The following RFESD variants were observed in gnomAD, a reference collection of about 807,000 sequenced individuals.
RFESD encodes Rieske Fe-S domain containing, also known as Rieske domain-containing protein.
A neutral mutation model predicts 24.4 loss-of-function variants in RFESD; 16 were observed. The ratio of observed to expected loss-of-function variants is 0.66; its 90% CI spans 0.44 to 1.00. RFESD has a LOEUF of 1.00. RFESD is among the 50% of genes least tolerant of loss of function. The pLI is 0.00. For synonymous variants in RFESD, 59 were observed against 81.8 expected, an observed-to-expected ratio of 0.72 and a Z score of 1.50; for missense variants, 208 against 247.0, an observed-to-expected ratio of 0.84 and a Z score of 1.06.
chr5:95,650,879 A>G (rs1424833101), intron 1 of RFESD, among the ~76,000 whole-genome samples: 1 of 152,150 alleles, frequency 6.6e-6, no homozygotes, highest in Non-Finnish European at 1.5e-5. Flanking sequence ...CGGGCGGATC[A>G]TGAGGTCAGG....
Position 95,657,679 on chromosome 5 carries a change from T to C in RFESD, c.*1370T>C, listed in dbSNP as rs914039414. On this transcript the variant is annotated 3_prime_UTR_variant, in exon 6 of 6. Transcript: ENST00000380005. Reference sequence around the variant, plus strand: ...TACCTTTACTACATATTATTACACTTCCTTTTCTGTTGGAGTTTGGATAGC... The same window carrying C: ...TACCTTTACTACATATTATTACACTCCCTTTTCTGTTGGAGTTTGGATAGC... 2 of 152,158 alleles carry C rather than the reference T, an allele frequency of 1.3e-5. No homozygotes were observed. Among genetic ancestry groups the C allele is most frequent in the African/African-American group, 4.8e-5 (2 of 41,446 alleles). The allele number at this position is 152,158 out of a possible 1,614,324, so 9.4% of individuals were successfully genotyped here. A position where few individuals can be genotyped will look rare whatever the true frequency, so the allele number is the denominator to read the frequency against.
rs1750553838 is a variant in RFESD at position 95,654,106 on chromosome 5, T to C, written c.204T>C (p.Tyr68=). 1.2e-6 allele frequency: 2 copies of C among 1,611,868 alleles called. No homozygotes were observed. Among genetic ancestry groups the C allele is most frequent in the Non-Finnish European group, 1.7e-6 (2 of 1,179,722 alleles). The change falls in exon 4 of 6, where the codon TAT becomes TAC. Residue 68 remains tyrosine (Y), a synonymous_variant. Transcript: ENST00000380005. ...GSAQDPEKRE[Y]SSVCVGREDD... ...CACAAGATCCTGAAAAGAGGGAATA[T>C]TCTTCTGTGTGTGTGGGCAGAGAAG...
chr5:95,656,232 C>A lies in RFESD; in HGVS notation c.556C>A (p.Leu186Ile). The A allele has an allele frequency of 6.2e-7, 1 of 1,613,588 alleles. No individual in the cohort carries two copies. The highest frequency in any genetic ancestry group is 8.5e-7 in the Non-Finnish European group (1 of 1,179,526). The change falls in exon 6 of 6, where the codon CTT (leucine) becomes ATT (isoleucine). Residue 186 changes from leucine to isoleucine, a missense_variant. Leu to Ile is a conservative substitution (Grantham distance 5). Coordinates refer to ENST00000380005, the MANE Select transcript of RFESD (RefSeq NM_001131066.2). ...AGACAACGGAAATATTTATGTGACT[C>A]TTTCTAATGAACCTTTTAAGTGTGA... ...TVDNGNIYVTLSNEPFKCDSD... is the reference protein window; with the variant it reads ...TVDNGNIYVTISNEPFKCDSD...
In RFESD at chr5:95,656,344, G is replaced by C; in HGVS notation, c.*35G>C. The C allele has an allele frequency of 6.6e-7, 1 of 1,517,118 alleles. No individual in the cohort carries two copies. Among genetic ancestry groups the C allele is most frequent in the Non-Finnish European group, 9.0e-7 (1 of 1,113,780 alleles). The allele number at this position is 1,517,118 out of a possible 1,614,324, so 94.0% of individuals were successfully genotyped here. Reference sequence around the variant, plus strand: ...TATAGAAATGAAAAATGTTGTGTATGCTTGAAAACATTTTTAGAATAACTC... The same window carrying C: ...TATAGAAATGAAAAATGTTGTGTATCCTTGAAAACATTTTTAGAATAACTC... On this transcript the variant is annotated 3_prime_UTR_variant, in exon 6 of 6. Transcript: ENST00000380005.
chr5:95,652,546 G>A (rs1750410114), intron 2 of RFESD: 1 of 520,638 alleles, frequency 1.9e-6, no homozygotes, highest in Non-Finnish European at 3.1e-6. Context: ...CACAGTCTTT[G>A]GCACTACAGT....
chr5:95,648,666 C>G (rs1750199744), intron 1 of RFESD, among the ~76,000 whole-genome samples: 1 of 152,042 alleles, frequency 6.6e-6, no homozygotes, highest in African/African-American at 2.4e-5. Context: ...TCTCTGAAAC[C>G]TTTATCATTT....
At chr5:95,650,344 C>G (rs1277370228) in intron 1 of RFESD, among the ~76,000 whole-genome samples, 4 of 152,108 alleles carry the variant, frequency 2.6e-5, no homozygotes, top group Non-Finnish European at 4.4e-5. Flanking sequence ...ATTCAAAGCC[C>G]CTGTCTCTCC....
rs1290825744 is a variant in RFESD, at chr5:95,656,366, ACT to A, written c.*60_*61del. The A allele has an allele frequency of 1.3e-5, 18 of 1,391,436 alleles. No individual in the cohort carries two copies. The highest frequency in any genetic ancestry group is 1.8e-5 in the Non-Finnish European group (18 of 1,015,052). The allele number at this position is 1,391,436 out of a possible 1,614,324, so 86.2% of individuals were successfully genotyped here. A position where few individuals can be genotyped will look rare whatever the true frequency, so the allele number is the denominator to read the frequency against. On this transcript the variant is annotated 3_prime_UTR_variant, in exon 6 of 6. Coordinates refer to ENST00000380005, the MANE Select transcript of RFESD (RefSeq NM_001131066.2). ...TATGCTTGAAAACATTTTTAGAATA[ACT>A]CTGCTTCAGTTTTAAAGGTGATGAA...
chr5:95,653,358 C>A, intron 3 of RFESD, 144 bp downstream of exon 3: 2 of 1,179,358 alleles, frequency 1.7e-6, no homozygotes, highest in Non-Finnish European at 1.2e-6. Flanking sequence ...TTCAGACAAT[C>A]AAAGAATCCT....
chr5:95,655,900 G>A (rs2112525420), intron 5 of RFESD, 146 bp from the exon 6 acceptor site: 2 of 685,816 alleles, frequency 2.9e-6, no homozygotes, highest in African/African-American at 3.6e-5. Context: ...ATTAGGATCT[G>A]CTTTATGCTG....
chr5:95,649,771 T>A (rs1169877925), intron 1 of RFESD, among the ~76,000 whole-genome samples: 1 of 152,258 alleles, frequency 6.6e-6, no homozygotes, highest in Non-Finnish European at 1.5e-5. Flanking sequence ...TTGCCCATTT[T>A]TCTATGATTA....
intron 2 of RFESD, chr5:95,652,830 T>C: frequency 2.7e-6 from 1 of 369,042 alleles, no homozygotes; most frequent in Non-Finnish European, 4.8e-6. Flanking sequence ...AGCCACCACC[T>C]TTTTCATGGA....
At position 95,656,588 on chromosome 5, in the gene RFESD, G is replaced by A. The variant is rs184688721; in HGVS notation, c.*279G>A. 9.3e-5 allele frequency: 20 copies of A among 215,196 alleles called. No homozygotes were observed. In the East Asian group the frequency reaches 1.4e-3, roughly 15 times the overall value. The allele number at this position is 215,196 out of a possible 1,614,324, so 13.3% of individuals were successfully genotyped here. Reference sequence around the variant, plus strand: ...TAAGAAGGATAAAAATAAATTTGGAGTAAACAAATAATAGGTAAAAATTAA... The same window carrying A: ...TAAGAAGGATAAAAATAAATTTGGAATAAACAAATAATAGGTAAAAATTAA... On this transcript the variant is annotated 3_prime_UTR_variant, in exon 6 of 6. Transcript: ENST00000380005.
Position 95,654,092 on chromosome 5 carries a change from GAAA to G in RFESD, c.192_194del (p.Lys65del). 6.2e-7 allele frequency: 1 copy of G among 1,611,596 alleles called. No individual in the cohort carries two copies. The highest frequency in any genetic ancestry group is 8.5e-7 in the Non-Finnish European group (1 of 1,179,762). On this transcript the variant is annotated inframe_deletion, in exon 4 of 6. Coordinates refer to ENST00000380005, the MANE Select transcript of RFESD (RefSeq NM_001131066.2). ...TCTTGATGGCTCTGCACAAGATCCTGAAAAGAGGGAATATTCTTCTGTGTGTGT... is the reference window on the plus strand; with the variant it reads ...TCTTGATGGCTCTGCACAAGATCCTGAGAGGGAATATTCTTCTGTGTGTGT...
chr5:95,654,394 C>A, intron 5 of RFESD, 27 bp downstream of exon 5: 1 of 1,409,882 alleles, frequency 7.1e-7, no homozygotes, highest in Non-Finnish European at 9.9e-7. Flanking sequence ...TTATTTTCAG[C>A]AAATTCAGCA....
intron 1 of RFESD, among the ~76,000 whole-genome samples, chr5:95,650,535 TAACA>T (rs1439511251): frequency 1.7e-4 from 26 of 152,234 alleles, no homozygotes; most frequent in African/African-American, 5.5e-4. Flanking sequence ...CCTAACACAC[TAACA>T]GAGATTTTAC....
chr5:95,656,058 C>G lies in RFESD; in HGVS notation c.382C>G (p.Arg128Gly), dbSNP rs750397884. ...TTCTCTTCCCCAGGATTTTGATGGA[C>G]GACCGTGTATAGTTTGCCCCTGGCA... is the stretch of plus-strand genomic sequence containing the variant. ...HLGDIEDFDG[R>G]PCIVCPWHKY... The change falls in exon 6 of 6, where the codon CGA (arginine) becomes GGA (glycine). Residue 128 changes from arginine to glycine, a missense_variant. Physicochemically the swap from Arg to Gly is moderately radical, Grantham distance 125. Transcript: ENST00000380005. 6.2e-7 allele frequency: 1 copy of G among 1,612,412 alleles called. No homozygotes were observed. Among genetic ancestry groups the G allele is most frequent in the Non-Finnish European group, 8.5e-7 (1 of 1,179,104 alleles).
chr5:95,651,820 G>A (rs547773845), intron 1 of RFESD, among the ~76,000 whole-genome samples: 2 of 152,228 alleles, frequency 1.3e-5, no homozygotes, highest in African/African-American at 4.8e-5. Flanking sequence ...TGGCCAAAAG[G>A]ATATTAAAGA....
chr5:95,652,905 G>A (rs567698878), intron 2 of RFESD: 5 of 590,914 alleles, frequency 8.5e-6, no homozygotes, highest in African/African-American at 1.9e-5. Flanking sequence ...CCACAGAGCC[G>A]GGAGCATTCT....
Sources: allele counts gnomAD v4.1 joint callset (sites outside exome capture counted in the v4.1 genomes callset), GRCh38; gene constraint gnomAD v4.1.1; transcripts MANE v1.5; gene names NCBI Gene and HGNC (gene_info 2026-07-23, HGNC 2026-07-21).